The following NCEH1 variants were observed in gnomAD, a reference collection of about 807,000 sequenced individuals.
NCEH1 encodes the protein 2-acetyl MAGE hydrolase.
Under a neutral mutation model 25.4 loss-of-function variants are expected in NCEH1, and 9 were observed. The observed-to-expected ratio is 0.35, with a 90% confidence interval of 0.21 to 0.62. The LOEUF (loss-of-function observed/expected upper bound fraction) is 0.62. Ranked by LOEUF, NCEH1 falls within the 20% of genes least tolerant of loss-of-function variation. NCEH1 has a pLI of 0.72. For synonymous variants in NCEH1, 200 were observed against 199.8 expected (o/e 1.00, Z -0.01); for missense variants, 412 against 501.1 (o/e 0.82, Z 1.70).
chr3:172,698,324 G>A (rs951916459), intron 1 of NCEH1, among the ~76,000 whole-genome samples: 4 of 152,106 alleles, frequency 2.6e-5, no homozygotes, highest in African/African-American at 9.7e-5. Context: ...CAGGAAGCCC[G>A]GATAATTGCT....
chr3:172,708,384 T>G (rs1223111973), intron 1 of NCEH1, among the ~76,000 whole-genome samples: 2 of 152,144 alleles, frequency 1.3e-5, no homozygotes, highest in African/African-American at 4.8e-5. Context: ...AGACAGAGTT[T>G]CACTCTTGTT....
intron 1 of NCEH1, among the ~76,000 whole-genome samples, chr3:172,689,139 T>C (rs942316244): frequency 3.9e-5 from 6 of 152,142 alleles, no homozygotes; most frequent in Non-Finnish European, 7.4e-5. Flanking sequence ...CCAAAGTTCT[T>C]CTAGGTAATA....
chr3:172,638,486 C>T (rs555522839), intron 3 of NCEH1, among the ~76,000 whole-genome samples: 32 of 136,748 alleles, frequency 2.3e-4, no homozygotes, highest in African/African-American at 8.7e-4. Context: ...TAGAATTACG[C>T]AGTTTTGTCC....
At chr3:172,648,397 G>T (rs1424955609) in intron 1 of NCEH1, among the ~76,000 whole-genome samples, 1 of 152,012 alleles carries the variant, frequency 6.6e-6, no homozygotes, top group Non-Finnish European at 1.5e-5. Context: ...GTAGTTCTGG[G>T]ACTCAAACCT....
chr3:172,636,903 A>C (rs754231706), intron 3 of NCEH1, among the ~76,000 whole-genome samples: 7 of 151,244 alleles, frequency 4.6e-5, no homozygotes, highest in Admixed American at 1.3e-4. Flanking sequence ...CTCACTCTCT[A>C]CTCCCCTCTT....
Position 172,709,500 on chromosome 3 carries a change from C to T in NCEH1, c.138+1347G>A, listed in dbSNP as rs1400928804. On this transcript the variant is annotated intron_variant, in intron 1 of 4. Coordinates refer to ENST00000475381, the MANE Select transcript of NCEH1 (RefSeq NM_020792.6). ...GGGATGATCATTTTCACCATGTCAA[C>T]ATTATAGGAAGCAAGAGGAAAAGAA... Among the ~76,000 whole-genome samples the T allele has an allele frequency of 4.6e-5, 7 of 152,198 alleles. No homozygotes were observed. The East Asian group carries it at 1.2e-3, about 25-fold the overall frequency.
intron 1 of NCEH1, among the ~76,000 whole-genome samples, chr3:172,695,652 AC>A (rs1210271394): frequency 6.6e-6 from 1 of 152,142 alleles, no homozygotes; most frequent in Non-Finnish European, 1.5e-5. Flanking sequence ...GGTTAGAAAA[AC>A]AAGCTAGCAG....
chr3:172,668,348 A>ATTTTTT (rs1200625132), intron 1 of NCEH1, among the ~76,000 whole-genome samples: 1,330 of 78,972 alleles, frequency 0.017, 191 homozygotes, highest in African/African-American at 0.04. Context: ...AAAAGGAAGC[A>ATTTTTT]TTTTTTTTTT....
chr3:172,678,215 A>G (rs1233970506), intron 1 of NCEH1, among the ~76,000 whole-genome samples: 2 of 152,216 alleles, frequency 1.3e-5, no homozygotes, highest in Admixed American at 1.3e-4. Context: ...AGTTTTGCCT[A>G]CATAAACAGT....
chr3:172,684,644 T>C (rs1404586863), intron 1 of NCEH1, among the ~76,000 whole-genome samples: 2 of 152,172 alleles, frequency 1.3e-5, no homozygotes, highest in East Asian at 1.9e-4. Flanking sequence ...TGTAGAGAAA[T>C]CCTAGTAGTT....
intron 1 of NCEH1, among the ~76,000 whole-genome samples, chr3:172,707,978 T>TTTTGG (rs1357623311): frequency 2.6e-5 from 4 of 152,208 alleles, no homozygotes; most frequent in African/African-American, 7.2e-5. Flanking sequence ...AAGTGTTTTG[T>TTTTGG]TTTGGTTTGG....
chr3:172,657,241 T>C (rs1284233184), intron 1 of NCEH1, among the ~76,000 whole-genome samples: 1 of 152,024 alleles, frequency 6.6e-6, no homozygotes, highest in Non-Finnish European at 1.5e-5. Flanking sequence ...ATATACTGAT[T>C]TCTAGTCCTT....
chr3:172,692,034 A>G (rs2108529534), intron 1 of NCEH1, among the ~76,000 whole-genome samples: 1 of 152,142 alleles, frequency 6.6e-6, no homozygotes, highest in South Asian at 2.1e-4. Context: ...CAGACTGGGT[A>G]GTCAAAACAA....
rs1026205303 is a variant in NCEH1, at chr3:172,631,375, A to C, written c.*2100T>G. 3 of 152,342 alleles carry C rather than the reference A, an allele frequency of 2.0e-5. No individual in the cohort carries two copies. Among genetic ancestry groups the C allele is most frequent in the African/African-American group, 7.3e-5 (3 of 41,306 alleles). The allele number at this position is 152,342 out of a possible 1,614,324, so 9.4% of individuals were successfully genotyped here. ...ATAGTTATCACAGAATAAGAACTAAAATCCCATTTTTTTTTTTTAGGAAAA... is the reference window on the plus strand; with the variant it reads ...ATAGTTATCACAGAATAAGAACTAACATCCCATTTTTTTTTTTTAGGAAAA... On this transcript the variant is annotated 3_prime_UTR_variant, in exon 5 of 5. Transcript: ENST00000475381.
chr3:172,689,825 A>G (rs1712927967), intron 1 of NCEH1, among the ~76,000 whole-genome samples: 1 of 151,744 alleles, frequency 6.6e-6, no homozygotes, highest in African/African-American at 2.4e-5. Context: ...CTTTGTAGCC[A>G]CTTGCCAGCT....
At chr3:172,679,590 G>T (rs925906073) in intron 1 of NCEH1, among the ~76,000 whole-genome samples, 8 of 151,436 alleles carry the variant, frequency 5.3e-5, no homozygotes, top group Middle Eastern at 3.4e-3. Flanking sequence ...TAATACAGGG[G>T]TTATTAACAC....
intron 2 of NCEH1, among the ~76,000 whole-genome samples, chr3:172,646,129 A>G (rs1344678772): frequency 6.6e-6 from 1 of 152,128 alleles, no homozygotes; most frequent in Non-Finnish European, 1.5e-5. Flanking sequence ...AAGGAAGGAG[A>G]TCATTTGAGG....
Position 172,653,735 on chromosome 3 carries a change from G to GTTTTTTTTTTTTTTTTTTTTTTTTTTT in NCEH1, c.139-5622_139-5621insAAAAAAAAAAAAAAAAAAAAAAAAAAA, listed in dbSNP as rs1553830302. 4.2e-5 allele frequency among the ~76,000 whole-genome samples: 3 copies of GTTTTTTTTTTTTTTTTTTTTTTTTTTT among 71,022 alleles called. 1 individual carries two copies. The highest frequency in any genetic ancestry group is 1.5e-4 in the African/African-American group (3 of 19,716). The allele number at this position is 71,022 out of a possible 152,430, so 46.6% of individuals were successfully genotyped here. A position where few individuals can be genotyped will look rare whatever the true frequency, so the allele number is the denominator to read the frequency against. ...TTGTTTTTGTTGTTGTTGTTGTTCTGTTTTTTTTGTTTTTTTGTTTTTTTG... is the reference window on the plus strand; with the variant it reads ...TTGTTTTTGTTGTTGTTGTTGTTCTGTTTTTTTTTTTTTTTTTTTTTTTTTTTTTTTTTTTGTTTTTTTGTTTTTTTG... On this transcript the variant is annotated intron_variant, in intron 1 of 4. Transcript: ENST00000475381.
chr3:172,692,565 A>G (rs1257467192), intron 1 of NCEH1, among the ~76,000 whole-genome samples: 1 of 151,086 alleles, frequency 6.6e-6, no homozygotes, highest in Non-Finnish European at 1.5e-5. Context: ...GGGTTGCACT[A>G]TGTTGCCCAG....
Sources: gnomAD v4.1 joint callset for allele counts (sites outside exome capture counted in the v4.1 genomes callset) on GRCh38, gnomAD v4.1.1 for gene constraint, MANE v1.5 for transcripts, NCBI Gene and HGNC (gene_info 2026-07-23, HGNC 2026-07-21) for gene names.